The following CNTNAP2 variants were observed in gnomAD, a reference collection of about 807,000 sequenced individuals.
The protein encoded by CNTNAP2 is contactin-associated protein-like 2.
Under a neutral mutation model 155.2 loss-of-function variants are expected in CNTNAP2, and 98 were observed. The ratio of observed to expected loss-of-function variants is 0.63; its 90% confidence interval spans 0.54 to 0.75. CNTNAP2 has a LOEUF of 0.75. Ranked by LOEUF, CNTNAP2 falls within the 30% of genes least tolerant of loss-of-function variation. The probability of loss-of-function intolerance (pLI) is 0.00; values close to 1 mark genes in which losing one functional copy is unlikely to be tolerated. For missense variants in CNTNAP2, 1,727 were observed against 1,688.1 expected, an observed-to-expected ratio of 1.02 and a Z score of -0.40; for synonymous variants, 651 against 631.2, an observed-to-expected ratio of 1.03 and a Z score of -0.47.
intron 1 of CNTNAP2, among the ~76,000 whole-genome samples, chr7:146,603,773 A>C (rs4726800): frequency 6.6e-6 from 1 of 150,724 alleles, no homozygotes; most frequent in Admixed American, 6.6e-5. Context: ...ATGCCACATA[A>C]CTACAACTAT....
intron 3 of CNTNAP2, among the ~76,000 whole-genome samples, chr7:146,871,359 C>T (rs1398232712): frequency 6.6e-6 from 1 of 151,802 alleles, no homozygotes; most frequent in African/African-American, 2.4e-5. Flanking sequence ...GATGAAACCC[C>T]ATCTCTACTA....
intron 1 of CNTNAP2, among the ~76,000 whole-genome samples, chr7:146,264,778 C>T (rs1366217057): frequency 5.9e-5 from 9 of 152,148 alleles, no homozygotes; most frequent in African/African-American, 1.7e-4. Context: ...GTGAGAGAGG[C>T]AGATCGTTGT....
intron 1 of CNTNAP2, among the ~76,000 whole-genome samples, chr7:146,274,003 A>ATG (rs1192877980): frequency 2.6e-5 from 4 of 152,196 alleles, no homozygotes; most frequent in Non-Finnish European, 4.4e-5. Context: ...ATACATATAT[A>ATG]TGTGTATATA....
chr7:146,287,067 G>T (rs117677338), intron 1 of CNTNAP2, among the ~76,000 whole-genome samples: 8 of 152,132 alleles, frequency 5.3e-5, no homozygotes, highest in Non-Finnish European at 1.0e-4. Flanking sequence ...AAAAGCAACT[G>T]CAAAATGAAT....
At chr7:146,547,902 A>G (rs1798053477) in intron 1 of CNTNAP2, among the ~76,000 whole-genome samples, 1 of 150,930 alleles carries the variant, frequency 6.6e-6, no homozygotes, top group African/African-American at 2.4e-5. Context: ...ACCATTTTGC[A>G]TTCCTACCAA....
chr7:146,196,186 A>C (rs1798772636), intron 1 of CNTNAP2, among the ~76,000 whole-genome samples: 1 of 152,228 alleles, frequency 6.6e-6, no homozygotes, highest in Non-Finnish European at 1.5e-5. Context: ...AACAGTGCTT[A>C]ACCTTAAAAG....
At chr7:147,703,564 G>A (rs1184290382) in intron 13 of CNTNAP2, among the ~76,000 whole-genome samples, 20 of 152,136 alleles carry the variant, frequency 1.3e-4, no homozygotes, top group Admixed American at 1.2e-3. Context: ...CAAAGCAGTT[G>A]ATCCATGATT....
intron 15 of CNTNAP2, among the ~76,000 whole-genome samples, chr7:148,058,702 A>G (rs1025846635): frequency 3.3e-5 from 5 of 152,210 alleles, no homozygotes; most frequent in Non-Finnish European, 5.9e-5. Flanking sequence ...CTTTTGGTGC[A>G]GATATGAGCC....
In CNTNAP2 at chr7:148,369,611, A is replaced by G. The variant is rs893369087; in HGVS notation, c.3476-14038A>G. Among the ~76,000 whole-genome samples, 27 of 151,120 alleles carry G rather than the reference A, an allele frequency of 1.8e-4. 1 individual carries two copies. Among genetic ancestry groups the G allele is most frequent in the Non-Finnish European group, 5.9e-5 (4 of 67,882 alleles). On this transcript the variant is annotated intron_variant, in intron 21 of 23. Transcript: ENST00000361727. ...TAGCAAATCTGCTAATACTCAGGAA[A>G]TGGGTTTGTGAGAAATGTTGCTGTT... is the stretch of plus-strand genomic sequence containing the variant.
intron 11 of CNTNAP2, among the ~76,000 whole-genome samples, chr7:147,505,024 G>C (rs1228960378): frequency 6.6e-6 from 1 of 151,800 alleles, no homozygotes; most frequent in African/African-American, 2.4e-5. Context: ...TTTTTCATTT[G>C]ATTCCTCATT....
chr7:147,284,413 C>A (rs1390233977), intron 8 of CNTNAP2, among the ~76,000 whole-genome samples: 1 of 151,792 alleles, frequency 6.6e-6, no homozygotes, highest in Non-Finnish European at 1.5e-5. Context: ...ACACGGCTCT[C>A]CTGTCTTACG....
chr7:147,804,029 C>A (rs1442177241), intron 13 of CNTNAP2, among the ~76,000 whole-genome samples: 2 of 152,174 alleles, frequency 1.3e-5, no homozygotes, highest in East Asian at 3.9e-4. Flanking sequence ...GACAATGGAG[C>A]AATAGTACTA....
chr7:148,315,287 G>T (rs891834718), intron 21 of CNTNAP2, among the ~76,000 whole-genome samples: 1 of 152,116 alleles, frequency 6.6e-6, no homozygotes, highest in Non-Finnish European at 1.5e-5. Context: ...GTGCAGGCAG[G>T]CTGAGTCCAA....
chr7:147,631,562 G>A (rs1181936565), intron 12 of CNTNAP2, among the ~76,000 whole-genome samples: 2 of 152,074 alleles, frequency 1.3e-5, no homozygotes, highest in Admixed American at 6.6e-5. Context: ...GAGGCATCAC[G>A]TTACCCTAAT....
intron 15 of CNTNAP2, among the ~76,000 whole-genome samples, chr7:148,020,346 A>G (rs1048246120): frequency 6.6e-6 from 1 of 152,208 alleles, no homozygotes; most frequent in Admixed American, 6.5e-5. Context: ...TACTTTTATC[A>G]CTAGTCTCCG....
At chr7:146,355,311 A>G (rs899726206) in intron 1 of CNTNAP2, among the ~76,000 whole-genome samples, 6 of 152,332 alleles carry the variant, frequency 3.9e-5, no homozygotes, top group African/African-American at 1.4e-4. Flanking sequence ...TAATTAGCTG[A>G]CCAACAGGGG....
intron 3 of CNTNAP2, among the ~76,000 whole-genome samples, chr7:146,950,608 G>A (rs1797290058): frequency 6.6e-6 from 1 of 152,044 alleles, no homozygotes; most frequent in Non-Finnish European, 1.5e-5. Flanking sequence ...CCATGTCCCT[G>A]CAAAGGACAT....
intron 17 of CNTNAP2, among the ~76,000 whole-genome samples, chr7:148,149,405 A>G (rs1285295498): frequency 1.3e-5 from 2 of 152,232 alleles, no homozygotes; most frequent in Non-Finnish European, 1.5e-5. Context: ...GATAAACAGA[A>G]AAAGAATATC....
chr7:146,352,701 AAATG>A (rs1330393102), intron 1 of CNTNAP2, among the ~76,000 whole-genome samples: 1 of 150,294 alleles, frequency 6.7e-6, no homozygotes, highest in Admixed American at 6.7e-5. Flanking sequence ...AGGTAAAAAA[AAATG>A]AAATAGATAT....
Sources: allele counts gnomAD v4.1 joint callset (sites outside exome capture counted in the v4.1 genomes callset), GRCh38; gene constraint gnomAD v4.1.1; transcripts MANE v1.5; gene names NCBI Gene and HGNC (gene_info 2026-07-23, HGNC 2026-07-21).